The following SNX10 variants were observed in gnomAD, a reference collection of about 807,000 sequenced individuals.
The protein encoded by SNX10 is sorting nexin-10.
A neutral mutation model predicts 28.5 loss-of-function variants in SNX10; 25 were observed. The observed-to-expected ratio is 0.88, with a 90% CI of 0.64 to 1.22. SNX10 has a LOEUF of 1.22. Ranked by LOEUF, SNX10 falls within the 50% of genes most tolerant of loss-of-function variation. SNX10 has a pLI of 0.00. For missense variants in SNX10, 223 were observed against 242.6 expected (o/e 0.92, Z 0.54); for synonymous variants, 62 against 81.4 (o/e 0.76, Z 1.28).
chr7:26,353,814 C>T (rs761937970), intron 2 of SNX10, among the ~76,000 whole-genome samples: 12 of 151,760 alleles, frequency 7.9e-5, no homozygotes, highest in Non-Finnish European at 1.3e-4. Flanking sequence ...TGTTGTTGCA[C>T]AATATATTTT....
At position 26,328,795 on chromosome 7, in the gene SNX10, A is replaced by G. The variant is rs116180482; in HGVS notation, c.-23-17625A>G. Among the ~76,000 whole-genome samples, 332 of 152,266 alleles carry G rather than the reference A, an allele frequency of 2.2e-3. 1 individual carries two copies. The highest frequency in any genetic ancestry group is 7.7e-3 in the African/African-American group (318 of 41,560). On this transcript the variant is annotated intron_variant, in intron 1 of 6. Coordinates refer to ENST00000338523, the MANE Select transcript of SNX10 (RefSeq NM_013322.3). ...TCGCTGCAGGCCCCAGGCTGCATGG[A>G]ATGTTTGTCTCCTTCTCCTGCAACA... is the stretch of plus-strand genomic sequence containing the variant.
At chr7:26,344,109 C>T (rs766528332) in intron 1 of SNX10, among the ~76,000 whole-genome samples, 16 of 151,874 alleles carry the variant, frequency 1.1e-4, no homozygotes, top group Non-Finnish European at 1.9e-4. Context: ...TCTGTACCCA[C>T]TCAGCTGCCC....
chr7:26,292,484 A>G (rs1376307458), intron 1 of SNX10, among the ~76,000 whole-genome samples: 1 of 152,092 alleles, frequency 6.6e-6, no homozygotes, highest in East Asian at 1.9e-4. Context: ...TTATTCATTC[A>G]TTAACGGGTA....
intron 5 of SNX10, 45 bp downstream of exon 5, chr7:26,365,190 A>G (rs1046963642): frequency 1.8e-6 from 2 of 1,140,304 alleles, no homozygotes; most frequent in Non-Finnish European, 2.7e-6. Context: ...GGTGTGAGCA[A>G]GTGCTTTACA....
rs532284358 is a variant in SNX10 at position 26,316,056 on chromosome 7, C to T, written c.-24+23970C>T. Among the ~76,000 whole-genome samples the T allele has an allele frequency of 5.3e-5, 8 of 151,362 alleles. No individual in the cohort carries two copies. The East Asian group carries it at 1.2e-3, about 22-fold the overall frequency. ...AAAACTAGCCGGGCGTGGTGGCAGG[C>T]GCCTGTAGTCCCAGCTACTTGAGAG... On this transcript the variant is annotated intron_variant, in intron 1 of 6. Coordinates refer to ENST00000338523, the MANE Select transcript of SNX10 (RefSeq NM_013322.3).
At chr7:26,340,799 C>T (rs1788152399) in intron 1 of SNX10, among the ~76,000 whole-genome samples, 1 of 152,212 alleles carries the variant, frequency 6.6e-6, no homozygotes. Context: ...CAGAGTCTCG[C>T]TCTGTTGTCT....
intron 1 of SNX10, among the ~76,000 whole-genome samples, chr7:26,314,775 G>A (rs1787003932): frequency 6.6e-6 from 1 of 152,104 alleles, no homozygotes; most frequent in African/African-American, 2.4e-5. Flanking sequence ...TGAGGCGGGC[G>A]GATCACTTGA....
intron 2 of SNX10, among the ~76,000 whole-genome samples, chr7:26,348,722 T>C (rs1313509440): frequency 6.6e-6 from 1 of 152,232 alleles, no homozygotes; most frequent in African/African-American, 2.4e-5. Flanking sequence ...CAAACCTCCT[T>C]CTTTCTCCAG....
intron 1 of SNX10, among the ~76,000 whole-genome samples, chr7:26,312,578 G>A (rs969674658): frequency 5.3e-5 from 8 of 152,266 alleles, no homozygotes; most frequent in African/African-American, 1.7e-4. Flanking sequence ...AAGGTCAGGC[G>A]TTCGAGACCA....
intron 2 of SNX10, among the ~76,000 whole-genome samples, chr7:26,346,954 C>T (rs1043517671): frequency 2.0e-4 from 30 of 152,250 alleles, no homozygotes; most frequent in Non-Finnish European, 5.9e-5. Context: ...CTGAGCCTCT[C>T]CCTGACTGGG....
chr7:26,344,329 C>T (rs1336016678), intron 1 of SNX10, among the ~76,000 whole-genome samples: 1 of 151,982 alleles, frequency 6.6e-6, no homozygotes, highest in East Asian at 1.9e-4. Context: ...GCCATGACTC[C>T]CGGATAAGTT....
chr7:26,365,262 A>G (rs1789244799), intron 5 of SNX10, 117 bp downstream of exon 5: 1 of 637,812 alleles, frequency 1.6e-6, no homozygotes, highest in Non-Finnish European at 2.9e-6. Context: ...AATCTGCACT[A>G]GAGCAAAACC....
intron 1 of SNX10, among the ~76,000 whole-genome samples, chr7:26,305,849 TTAAGAA>T (rs1399958576): frequency 4.6e-5 from 7 of 152,186 alleles, no homozygotes; most frequent in Admixed American, 3.3e-4. Context: ...AAGTAAGAGT[TTAAGAA>T]TAATAACTTT....
intron 1 of SNX10, among the ~76,000 whole-genome samples, chr7:26,340,287 A>G (rs1584139958): frequency 6.6e-6 from 1 of 152,200 alleles, no homozygotes; most frequent in Non-Finnish European, 1.5e-5. Context: ...TACTGCCACC[A>G]GTTTTTGTAG....
At chr7:26,293,942 C>G (rs553420039) in intron 1 of SNX10, among the ~76,000 whole-genome samples, 12 of 152,178 alleles carry the variant, frequency 7.9e-5, no homozygotes, top group Admixed American at 2.6e-4. Flanking sequence ...CAGTGGATAT[C>G]TTTTCTCAGC....
Position 26,358,986 on chromosome 7 carries a change from A to G in SNX10, c.25-1989A>G, listed in dbSNP as rs551152593. Reference sequence around the variant, plus strand: ...ATGCCCAGCTAATTTTTGTATTTTTAGTAGAGATGGGGTTTCACTATGTTG... The same window carrying G: ...ATGCCCAGCTAATTTTTGTATTTTTGGTAGAGATGGGGTTTCACTATGTTG... On this transcript the variant is annotated intron_variant, in intron 2 of 6. Transcript: ENST00000338523. Among the ~76,000 whole-genome samples, 5 of 151,662 alleles carry G rather than the reference A, an allele frequency of 3.3e-5. No individual in the cohort carries two copies. The East Asian group carries it at 7.8e-4, about 24-fold the overall frequency.
chr7:26,360,862 C>T, intron 2 of SNX10, 113 bp from the exon 3 acceptor site: 1 of 1,515,776 alleles, frequency 6.6e-7, no homozygotes, highest in Non-Finnish European at 8.8e-7. Flanking sequence ...TTACAAGTAC[C>T]ACATTGGTTA....
At chr7:26,299,269 C>T (rs1360983754) in intron 1 of SNX10, among the ~76,000 whole-genome samples, 3 of 152,026 alleles carry the variant, frequency 2.0e-5, no homozygotes, top group African/African-American at 7.3e-5. Context: ...GATCTCGGCT[C>T]ACTGCAACTT....
At position 26,364,343 on chromosome 7, in the gene SNX10, C is replaced by T. The variant is rs906259897; in HGVS notation, c.112-192C>T. 1.9e-5 allele frequency: 25 copies of T among 1,310,800 alleles called. No individual in the cohort carries two copies. In the African/African-American group the frequency reaches 3.7e-4, roughly 20 times the overall value. The allele number at this position is 1,310,800 out of a possible 1,614,324, so 81.2% of individuals were successfully genotyped here. A position where few individuals can be genotyped will look rare whatever the true frequency, so the allele number is the denominator to read the frequency against. On this transcript the variant is annotated intron_variant, in intron 3 of 6. Coordinates refer to ENST00000338523, the MANE Select transcript of SNX10 (RefSeq NM_013322.3). The surrounding 1 kb of genome is among the most constrained non-coding windows in gnomAD (Gnocchi z 4.9). The stretch of plus-strand genomic sequence containing the variant: ...GGGCAACACTGCTTATTTCCATCAT[C>T]CTGGCTGTCTTCAGGGCTGTTATGT...
Sources: allele counts gnomAD v4.1 joint callset (sites outside exome capture counted in the v4.1 genomes callset), GRCh38; gene constraint gnomAD v4.1.1; non-coding constraint Gnocchi (gnomAD v3.1); transcripts MANE v1.5; gene names NCBI Gene and HGNC (gene_info 2026-07-23, HGNC 2026-07-21).